GNB5: variants seen among roughly 807,000 people sequenced by gnomAD.
GNB5 encodes G protein subunit beta 5, also known as guanine nucleotide-binding protein subunit beta-5.
In GNB5, 37 loss-of-function variants were observed where a neutral mutation model predicts 55.3. The ratio of observed to expected loss-of-function variants is 0.67; its 90% CI spans 0.51 to 0.88. The LOEUF (loss-of-function observed/expected upper bound fraction) is 0.88, where lower values mean the gene tolerates loss of function less well. Among genes scored for constraint, GNB5 ranks in the 40% least tolerant of loss-of-function variants. GNB5 has a pLI of 0.00. For synonymous variants in GNB5, 219 were observed against 198.5 expected (o/e 1.10, Z -0.87); for missense variants, 476 against 515.3 (o/e 0.92, Z 0.74).
At chr15:52,165,480 C>T (rs555867984) in intron 3 of GNB5, among the ~76,000 whole-genome samples, 30 of 152,192 alleles carry the variant, frequency 2.0e-4, no homozygotes, top group African/African-American at 6.0e-4. Flanking sequence ...AAGGGAAGCC[C>T]GCCAGACTAA....
intron 4 of GNB5, among the ~76,000 whole-genome samples, chr15:52,152,377 G>A (rs2034116218): frequency 6.6e-6 from 1 of 151,708 alleles, no homozygotes; most frequent in Non-Finnish European, 1.5e-5. Flanking sequence ...AGGCTGGAGT[G>A]CAGTGGCATG....
At chr15:52,151,816 T>C in intron 4 of GNB5, among the ~76,000 whole-genome samples, 1 of 151,888 alleles carries the variant, frequency 6.6e-6, no homozygotes, top group Non-Finnish European at 1.5e-5. Context: ...TCTAAAATAA[T>C]AATAATGGGC....
intron 6 of GNB5, among the ~76,000 whole-genome samples, chr15:52,143,346 G>A (rs1299322254): frequency 6.6e-5 from 10 of 152,184 alleles, no homozygotes; most frequent in Admixed American, 2.0e-4. Flanking sequence ...ATGAGAAGCA[G>A]GAAGGTTTTG....
At chr15:52,149,770 C>T (rs1361972415) in intron 5 of GNB5, 114 bp downstream of exon 5, 2 of 788,766 alleles carry the variant, frequency 2.5e-6, no homozygotes, top group Non-Finnish European at 4.5e-6. Flanking sequence ...GAGGCAACTG[C>T]TTGCAGGGAT....
intron 7 of GNB5, among the ~76,000 whole-genome samples, chr15:52,136,113 A>AAAAC (rs2033707758): frequency 2.0e-5 from 1 of 50,724 alleles, no homozygotes; most frequent in Non-Finnish European, 3.2e-5. Flanking sequence ...AAAAGCAGAA[A>AAAAC]ACACACACAC....
chr15:52,133,833 G>A lies in GNB5; in HGVS notation c.772-364C>T, dbSNP rs76679383. ...TTATACTTGCCTCCCTAAGCCCAGA[G>A]GGCAAGGCAGGCAGGCAGTGGTGTG... On this transcript the variant is annotated intron_variant, in intron 8 of 12. Coordinates refer to ENST00000261837, the MANE Select transcript of GNB5 (RefSeq NM_016194.4). 8.1e-3 allele frequency among the ~76,000 whole-genome samples: 1,229 copies of A among 152,354 alleles called. 18 individuals carry two copies. Among genetic ancestry groups the A allele is most frequent in the African/African-American group, 0.028 (1,178 of 41,578 alleles).
At chr15:52,188,879 T>C (rs2034880776) in intron 1 of GNB5, among the ~76,000 whole-genome samples, 1 of 152,238 alleles carries the variant, frequency 6.6e-6, no homozygotes, top group African/African-American at 2.4e-5. Context: ...GCCCTTAGTT[T>C]GTTGTTTATT....
chr15:52,130,656 A>C (rs1420164394), intron 9 of GNB5, among the ~76,000 whole-genome samples: 3 of 152,184 alleles, frequency 2.0e-5, no homozygotes, highest in Admixed American at 1.3e-4. Context: ...TCGATGAGTA[A>C]ACTGGCCATG....
At position 52,135,729 on chromosome 15, in the gene GNB5, A is replaced by C; in HGVS notation, c.655T>G (p.Cys219Gly). ...QILTASGDGT[C>G]ALWDVESGQL... ...CCGCTCTCCACGTCCCACAGGGCACATGTGCCATCGCCGCTCGCTGTCAGG... is the reference window on the plus strand; with the variant it reads ...CCGCTCTCCACGTCCCACAGGGCACCTGTGCCATCGCCGCTCGCTGTCAGG... The change falls in exon 8 of 13, where the codon TGT (cysteine) becomes GGT (glycine). Residue 219 changes from cysteine to glycine, a missense_variant. Cys to Gly is a radical substitution (Grantham distance 159, BLOSUM62 -3). Coordinates refer to ENST00000261837, the MANE Select transcript of GNB5 (RefSeq NM_016194.4). 1.9e-6 allele frequency: 3 copies of C among 1,612,796 alleles called. No homozygotes were observed. Among genetic ancestry groups the C allele is most frequent in the Non-Finnish European group, 2.5e-6 (3 of 1,179,860 alleles).
chr15:52,171,091 T>TA (rs2034546918), intron 3 of GNB5, among the ~76,000 whole-genome samples: 1 of 82,054 alleles, frequency 1.2e-5, no homozygotes. Flanking sequence ...AGACTCTATC[T>TA]CCAAAAAAAA....
rs34370115 is a variant in GNB5, at chr15:52,133,379, G to C, written c.862C>G (p.Arg288Gly). ...ETHESDINSV[R>G]YYPSGDAFAS... The stretch of plus-strand genomic sequence containing the variant: ...GGCATGAACATTCTACTCACTGACC[G>C]GACACTGTTGATGTCAGATTCATGT... The change falls in exon 9 of 13, where the codon CGG becomes GGG. Residue 288 changes from arginine to glycine, a missense_variant and splice_region_variant. Arg to Gly is a moderately radical substitution (Grantham distance 125, BLOSUM62 -2). Transcript: ENST00000261837. 1.9e-6 allele frequency: 3 copies of C among 1,588,112 alleles called. No homozygotes were observed. In the Admixed American group the frequency reaches 5.0e-5, roughly 26 times the overall value.
At chr15:52,138,210 C>A (rs932925456) in intron 7 of GNB5, among the ~76,000 whole-genome samples, 9 of 151,928 alleles carry the variant, frequency 5.9e-5, no homozygotes, top group African/African-American at 2.2e-4. Context: ...TGGTAAAACT[C>A]CAACTCTACT....
intron 3 of GNB5, among the ~76,000 whole-genome samples, chr15:52,163,226 T>C (rs1325316311): frequency 6.6e-6 from 1 of 152,184 alleles, no homozygotes; most frequent in African/African-American, 2.4e-5. Flanking sequence ...GCCTTGGGTC[T>C]AAAGCACAGA....
chr15:52,124,706 G>T, intron 11 of GNB5, 67 bp from the exon 12 acceptor site: 1 of 1,334,240 alleles, frequency 7.5e-7, no homozygotes. Context: ...TTACATGACT[G>T]TTACTCACTC....
chr15:52,139,721 C>T (rs1045530386), intron 7 of GNB5: 2 of 1,025,630 alleles, frequency 2.0e-6, no homozygotes, highest in Non-Finnish European at 2.5e-6. Context: ...ACCTACCCTG[C>T]CTCCCAGGCC....
intron 9 of GNB5, among the ~76,000 whole-genome samples, chr15:52,130,451 C>T (rs2033546550): frequency 6.6e-6 from 1 of 152,322 alleles, no homozygotes; most frequent in Non-Finnish European, 1.5e-5. Context: ...ACTGCATTCA[C>T]TGTATATAGA....
At chr15:52,182,921 G>GTGAGTGTA (rs985896605) in intron 2 of GNB5, among the ~76,000 whole-genome samples, 10 of 152,220 alleles carry the variant, frequency 6.6e-5, no homozygotes, top group African/African-American at 2.4e-4. Context: ...GGAGGCCAAG[G>GTGAGTGTA]TGAGTGTATC....
intron 3 of GNB5, among the ~76,000 whole-genome samples, chr15:52,161,760 T>TG (rs1283726173): frequency 6.6e-6 from 1 of 152,234 alleles, no homozygotes; most frequent in Non-Finnish European, 1.5e-5. Context: ...AAGCAAGGAC[T>TG]GAGCACCTTT....
intron 4 of GNB5, among the ~76,000 whole-genome samples, chr15:52,150,644 C>G (rs2141211672): frequency 6.6e-6 from 1 of 152,386 alleles, no homozygotes; most frequent in African/African-American, 2.4e-5. Flanking sequence ...GAACGCAGAG[C>G]TGGCCCTGCC....
Sources: allele counts gnomAD v4.1 joint callset (sites outside exome capture counted in the v4.1 genomes callset), GRCh38; gene constraint gnomAD v4.1.1; transcripts MANE v1.5; gene names NCBI Gene and HGNC (gene_info 2026-07-23, HGNC 2026-07-21).